The following ARHGAP18 variants were observed in gnomAD, a reference collection of about 807,000 sequenced individuals.
ARHGAP18 encodes rho GTPase-activating protein 18.
In ARHGAP18, 67 loss-of-function variants were observed where a neutral mutation model predicts 86.2. The observed-to-expected ratio is 0.78, with a 90% CI of 0.64 to 0.95. The LOEUF (loss-of-function observed/expected upper bound fraction) is 0.95, where lower values mean the gene tolerates loss of function less well. Among genes scored for constraint, ARHGAP18 ranks in the 40% least tolerant of loss-of-function variants. The pLI, the probability that ARHGAP18 is intolerant of heterozygous loss-of-function variation, is 0.00. For missense variants in ARHGAP18, 691 were observed against 780.4 expected (o/e 0.89, Z 1.37); for synonymous variants, 283 against 280.4 (o/e 1.01, Z -0.09).
At chr6:129,586,438 G>A (rs1039106401) in intron 12 of ARHGAP18, among the ~76,000 whole-genome samples, 5 of 151,968 alleles carry the variant, frequency 3.3e-5, no homozygotes, top group Non-Finnish European at 5.9e-5. Flanking sequence ...TTACTATTGT[G>A]GAGGGACTTG....
At chr6:129,655,338 A>G (rs953182661) in intron 1 of ARHGAP18, among the ~76,000 whole-genome samples, 12 of 109,034 alleles carry the variant, frequency 1.1e-4, no homozygotes, top group African/African-American at 4.2e-4. Context: ...AAAAAAAAAA[A>G]AAAGAAAAGA....
intron 1 of ARHGAP18, among the ~76,000 whole-genome samples, chr6:129,686,360 A>T (rs1247691863): frequency 6.6e-6 from 1 of 152,174 alleles, no homozygotes; most frequent in African/African-American, 2.4e-5. Flanking sequence ...AGCCATTCCC[A>T]TAAGACTCTC....
intron 1 of ARHGAP18, among the ~76,000 whole-genome samples, chr6:129,658,712 T>C (rs1337186811): frequency 6.6e-6 from 1 of 152,214 alleles, no homozygotes; most frequent in Non-Finnish European, 1.5e-5. Flanking sequence ...TTCAGTTTGG[T>C]GATTCAGTAA....
Position 129,639,621 on chromosome 6 carries a change from C to T in ARHGAP18, c.317-992G>A, listed in dbSNP as rs569368826. On this transcript the variant is annotated intron_variant, in intron 2 of 14. Transcript: ENST00000368149. ...TGGTATAGCACCTAGTCCTACCTGT[C>T]TGTCTTTCTATACTATATAAACTTC... Among the ~76,000 whole-genome samples the T allele has an allele frequency of 3.3e-4, 50 of 152,332 alleles. 1 individual carries two copies. The highest frequency in any genetic ancestry group is 1.2e-3 in the African/African-American group (48 of 41,574).
At chr6:129,595,299 A>G (rs567828680) in intron 12 of ARHGAP18, among the ~76,000 whole-genome samples, 1 of 152,192 alleles carries the variant, frequency 6.6e-6, no homozygotes, top group Non-Finnish European at 1.5e-5. Flanking sequence ...GTCAAGATAC[A>G]CATTTGTACA....
In ARHGAP18 at chr6:129,613,164, C is replaced by T. The variant is rs188776472; in HGVS notation, c.1045-1554G>A. Among the ~76,000 whole-genome samples the T allele has an allele frequency of 6.9e-3, 1,009 of 147,222 alleles. 10 individuals carry two copies. The highest frequency in any genetic ancestry group is 0.024 in the African/African-American group (957 of 39,984). On this transcript the variant is annotated intron_variant, in intron 7 of 14. Transcript: ENST00000368149. The stretch of plus-strand genomic sequence containing the variant: ...AGGAGAATGGTGTGAACCCCAGAGG[C>T]GGAGCTTGCAGTGAGCCAAGATCGC...
In ARHGAP18 at chr6:129,577,679, C is replaced by A. The variant is rs1206492485; in HGVS notation, c.*834G>T. Reference sequence around the variant, plus strand: ...ATTTATAATGCTAATAATGACAACACGTAAAGCCAGCTATGACTTTTAAAA... The same window carrying A: ...ATTTATAATGCTAATAATGACAACAAGTAAAGCCAGCTATGACTTTTAAAA... On this transcript the variant is annotated 3_prime_UTR_variant, in exon 15 of 15. Transcript: ENST00000368149. The A allele has an allele frequency of 6.6e-6, 1 of 152,046 alleles. No individual in the cohort carries two copies. The highest frequency in any genetic ancestry group is 1.5e-5 in the Non-Finnish European group (1 of 68,014). 9.4% of individuals were successfully genotyped at this position (152,046 alleles called of 1,614,324 possible).
intron 12 of ARHGAP18, among the ~76,000 whole-genome samples, chr6:129,587,249 G>A (rs972310942): frequency 2.0e-5 from 3 of 152,072 alleles, no homozygotes; most frequent in African/African-American, 7.2e-5. Flanking sequence ...TCCACCATAT[G>A]GTATTCCCTC....
chr6:129,599,698 C>T (rs935336806), intron 11 of ARHGAP18, among the ~76,000 whole-genome samples: 2 of 152,104 alleles, frequency 1.3e-5, no homozygotes, highest in African/African-American at 4.8e-5. Flanking sequence ...GTAGGTCTTT[C>T]CTTTTGCAGC....
intron 1 of ARHGAP18, among the ~76,000 whole-genome samples, chr6:129,684,450 A>T (rs1395674326): frequency 6.6e-6 from 1 of 152,152 alleles, no homozygotes; most frequent in African/African-American, 2.4e-5. Context: ...AATATAAGTG[A>T]CTTTTGCCTC....
intron 8 of ARHGAP18, among the ~76,000 whole-genome samples, chr6:129,608,470 A>T (rs895786029): frequency 6.6e-6 from 1 of 152,218 alleles, no homozygotes; most frequent in Non-Finnish European, 1.5e-5. Flanking sequence ...TACATAAAAA[A>T]ATACATAATC....
chr6:129,636,396 C>A (rs942282551), intron 3 of ARHGAP18, among the ~76,000 whole-genome samples: 1 of 152,148 alleles, frequency 6.6e-6, no homozygotes, highest in African/African-American at 2.4e-5. Context: ...CCTTTCATTC[C>A]TTTTTTAACA....
intron 1 of ARHGAP18, among the ~76,000 whole-genome samples, chr6:129,685,506 T>G (rs750864293): frequency 1.7e-4 from 25 of 144,636 alleles, no homozygotes; most frequent in Non-Finnish European, 3.5e-4. Flanking sequence ...AGACTCCGTC[T>G]AAAAAAAAAA....
At position 129,624,306 on chromosome 6, in the gene ARHGAP18, G is replaced by A. The variant is rs550367375; in HGVS notation, c.786+5047C>T. Among the ~76,000 whole-genome samples the A allele has an allele frequency of 7.2e-5, 11 of 152,070 alleles. No homozygotes were observed. In the East Asian group the frequency reaches 1.4e-3, roughly 19 times the overall value. On this transcript the variant is annotated intron_variant, in intron 5 of 14. Coordinates refer to ENST00000368149, the MANE Select transcript of ARHGAP18 (RefSeq NM_033515.3). Reference sequence around the variant, plus strand: ...AGCACTTTGGGAGGCTGAGGCAGGCGGATCACAAGGTCAGGAGTTCGAGAC... The same window carrying A: ...AGCACTTTGGGAGGCTGAGGCAGGCAGATCACAAGGTCAGGAGTTCGAGAC...
chr6:129,661,849 C>G, intron 1 of ARHGAP18: 4 of 985,138 alleles, frequency 4.1e-6, no homozygotes, highest in Non-Finnish European at 4.8e-6. Flanking sequence ...GCTCACCCAG[C>G]GAACAATTTT....
At chr6:129,652,104 T>C (rs1385444886) in intron 1 of ARHGAP18, among the ~76,000 whole-genome samples, 1 of 152,234 alleles carries the variant, frequency 6.6e-6, no homozygotes, top group Non-Finnish European at 1.5e-5. Context: ...ACCTAGTTGA[T>C]GGCATTTTGT....
At chr6:129,624,736 G>A (rs185054409) in intron 5 of ARHGAP18, among the ~76,000 whole-genome samples, 2 of 151,476 alleles carry the variant, frequency 1.3e-5, no homozygotes, top group East Asian at 3.9e-4. Flanking sequence ...CCTGAGGAGA[G>A]GAGTTCAAGA....
At position 129,608,158 on chromosome 6, in the gene ARHGAP18, T is replaced by C. The variant is rs1004218414; in HGVS notation, c.1123-106A>G. The C allele has an allele frequency of 1.4e-5, 19 of 1,321,388 alleles. No homozygotes were observed. The African/African-American group carries it at 2.2e-4, about 16-fold the overall frequency. The allele number at this position is 1,321,388 out of a possible 1,614,324, so 81.9% of individuals were successfully genotyped here. A position where few individuals can be genotyped will look rare whatever the true frequency, so the allele number is the denominator to read the frequency against. ...TTTTCACTTTCAAGAGACTCTGCTC[T>C]TTAGACAAGACAAATCAGACTACCA... On this transcript the variant is annotated intron_variant, in intron 8 of 14. Transcript: ENST00000368149.
intron 5 of ARHGAP18, among the ~76,000 whole-genome samples, chr6:129,628,778 A>C (rs1209176843): frequency 2.6e-5 from 4 of 152,212 alleles, no homozygotes; most frequent in African/African-American, 7.2e-5. Context: ...AACAGACCTG[A>C]CAACAAATAC....
Sources: gnomAD v4.1 joint callset for allele counts (sites outside exome capture counted in the v4.1 genomes callset) on GRCh38, gnomAD v4.1.1 for gene constraint, MANE v1.5 for transcripts, NCBI Gene and HGNC (gene_info 2026-07-23, HGNC 2026-07-21) for gene names.